Variants in CTNNA2 observed in about 807,000 individuals in gnomAD.
CTNNA2 encodes catenin alpha 2.
CTNNA2 carries 42 observed loss-of-function variants against 101.0 expected under a neutral mutation model. That is an observed-to-expected ratio of 0.42 (90% CI 0.32 to 0.54). CTNNA2 has a LOEUF of 0.54. Ranked by LOEUF, CTNNA2 falls within the 20% of genes least tolerant of loss-of-function variation. The probability of loss-of-function intolerance (pLI) is 0.14; values close to 1 mark genes in which losing one functional copy is unlikely to be tolerated. For missense variants in CTNNA2, 871 were observed against 1,223.1 expected (o/e 0.71, Z 4.29); for synonymous variants, 450 against 456.4 (o/e 0.99, Z 0.18).
chr2:80,410,120 A>G (rs1559085948), intron 8 of CTNNA2, among the ~76,000 whole-genome samples: 1 of 152,160 alleles, frequency 6.6e-6, no homozygotes, highest in Non-Finnish European at 1.5e-5. Flanking sequence ...ATGGTTGCAG[A>G]TTTTTAGACT....
intron 7 of CTNNA2, among the ~76,000 whole-genome samples, chr2:80,192,098 T>A (rs1278492596): frequency 6.6e-6 from 1 of 152,224 alleles, no homozygotes; most frequent in African/African-American, 2.4e-5. Context: ...GAGTTTGAGG[T>A]CTGCAGTGGT....
chr2:79,351,362 G>A (rs1677382851), intron 3 of CTNNA2, among the ~76,000 whole-genome samples: 1 of 152,106 alleles, frequency 6.6e-6, no homozygotes, highest in South Asian at 2.1e-4. Flanking sequence ...TCTCCTGCCT[G>A]TAGCTAGCCA....
chr2:80,065,494 C>T (rs568221927), intron 7 of CTNNA2, among the ~76,000 whole-genome samples: 1 of 152,020 alleles, frequency 6.6e-6, no homozygotes, highest in African/African-American at 2.4e-5. Flanking sequence ...GCTGGGATTA[C>T]AGGTGCGTGC....
rs1396625447 is a variant in CTNNA2, at chr2:80,578,479, C to T, written c.1894-3227C>T. On this transcript the variant is annotated intron_variant, in intron 13 of 18. Transcript: ENST00000402739. ...CCTTTAATTCATGGAGGTCTTTGACCAACTAAAAAATAGCACTCATAGTTT... is the reference window on the plus strand; with the variant it reads ...CCTTTAATTCATGGAGGTCTTTGACTAACTAAAAAATAGCACTCATAGTTT... Among the ~76,000 whole-genome samples, 3 of 152,092 alleles carry T rather than the reference C, an allele frequency of 2.0e-5. No individual in the cohort carries two copies. In the East Asian group the frequency reaches 5.8e-4, roughly 29 times the overall value.
At chr2:80,389,776 C>T (rs769980673) in intron 7 of CTNNA2, among the ~76,000 whole-genome samples, 1 of 152,136 alleles carries the variant, frequency 6.6e-6, no homozygotes, top group Non-Finnish European at 1.5e-5. Flanking sequence ...AAACCCTAGT[C>T]CTTGTTTTAA....
At chr2:79,550,011 A>G (rs1192106418) in intron 1 of CTNNA2, among the ~76,000 whole-genome samples, 1 of 152,162 alleles carries the variant, frequency 6.6e-6, no homozygotes, top group Non-Finnish European at 1.5e-5. Context: ...TGGACCCACT[A>G]TGAGCCAGAA....
In CTNNA2 at chr2:80,419,444, T is replaced by C. The variant is rs1263102094; in HGVS notation, c.1138-5T>C. 2.5e-6 allele frequency: 4 copies of C among 1,598,264 alleles called. No homozygotes were observed. Among genetic ancestry groups the C allele is most frequent in the Non-Finnish European group, 3.4e-6 (4 of 1,170,540 alleles). Reference sequence around the variant, plus strand: ...TGTCATTTTTTGTTTTTGTTTCAACTGTAGCTTCGGAAAGCAGTGATGGAT... The same window carrying C: ...TGTCATTTTTTGTTTTTGTTTCAACCGTAGCTTCGGAAAGCAGTGATGGAT... On this transcript the variant is annotated splice_region_variant and splice_polypyrimidine_tract_variant and intron_variant, in intron 8 of 18. Coordinates refer to ENST00000402739, the MANE Select transcript of CTNNA2 (RefSeq NM_001282597.3).
intron 7 of CTNNA2, among the ~76,000 whole-genome samples, chr2:79,997,049 C>T (rs1239750422): frequency 6.6e-6 from 1 of 152,010 alleles, no homozygotes; most frequent in Non-Finnish European, 1.5e-5. Flanking sequence ...AATTTTACCC[C>T]CTCTCTTCTT....
chr2:80,105,148 G>T (rs1293470710), intron 7 of CTNNA2, among the ~76,000 whole-genome samples: 1 of 152,182 alleles, frequency 6.6e-6, no homozygotes, highest in East Asian at 1.9e-4. Context: ...ACTATTCTCT[G>T]TGGAATTCTT....
intron 4 of CTNNA2, among the ~76,000 whole-genome samples, chr2:79,483,688 C>T (rs1671131427): frequency 6.6e-6 from 1 of 152,172 alleles, no homozygotes; most frequent in Admixed American, 6.5e-5. Flanking sequence ...GGTTATTTCA[C>T]TTAGAATAAT....
chr2:80,012,073 T>C (rs1260591382), intron 7 of CTNNA2, among the ~76,000 whole-genome samples: 1 of 152,142 alleles, frequency 6.6e-6, no homozygotes, highest in East Asian at 1.9e-4. Flanking sequence ...TAACCACTGC[T>C]CTGGATTCCA....
intron 7 of CTNNA2, among the ~76,000 whole-genome samples, chr2:80,145,886 A>C (rs1703299758): frequency 6.6e-6 from 1 of 152,206 alleles, no homozygotes; most frequent in Non-Finnish European, 1.5e-5. Context: ...ATAGATGTCT[A>C]AAGATGTCTC....
At chr2:80,068,359 T>A (rs1698113956) in intron 7 of CTNNA2, among the ~76,000 whole-genome samples, 1 of 152,226 alleles carries the variant, frequency 6.6e-6, no homozygotes, top group African/African-American at 2.4e-5. Context: ...ATGCTTCTCC[T>A]GTTTATCATC....
chr2:79,979,158 G>T (rs1023662489), intron 7 of CTNNA2, among the ~76,000 whole-genome samples: 2 of 152,092 alleles, frequency 1.3e-5, no homozygotes, highest in African/African-American at 4.8e-5. Context: ...GGCTAAGGTG[G>T]GAGGATCACA....
intron 2 of CTNNA2, among the ~76,000 whole-genome samples, chr2:79,235,488 G>A (rs144787643): frequency 2.6e-5 from 4 of 152,118 alleles, no homozygotes; most frequent in Non-Finnish European, 4.4e-5. Context: ...CCTTCTGACC[G>A]CTGACTCCAT....
rs1284805570 is a variant in CTNNA2, at chr2:79,437,820, A to T, written c.-135+63807A>T. Reference sequence around the variant, plus strand: ...TCACATGACCCCTAAGTGGTAATGAATCTAACGCGCTGCTCTTTGTTCCAG... The same window carrying T: ...TCACATGACCCCTAAGTGGTAATGATTCTAACGCGCTGCTCTTTGTTCCAG... On this transcript the variant is annotated intron_variant, in intron 4 of 21. Coordinates refer to the CTNNA2 transcript ENST00000466387. Among the ~76,000 whole-genome samples the T allele has an allele frequency of 2.6e-5, 4 of 152,282 alleles. No homozygotes were observed. In the East Asian group the frequency reaches 5.8e-4, roughly 22 times the overall value.
intron 1 of CTNNA2, among the ~76,000 whole-genome samples, chr2:79,581,015 C>A (rs1226085659): frequency 6.6e-6 from 1 of 152,170 alleles, no homozygotes; most frequent in African/African-American, 2.4e-5. Context: ...AGTTGGTTAC[C>A]TTCTTAATAG....
At chr2:80,447,481 T>A (rs1683167584) in intron 9 of CTNNA2, among the ~76,000 whole-genome samples, 1 of 152,208 alleles carries the variant, frequency 6.6e-6, no homozygotes, top group Non-Finnish European at 1.5e-5. Context: ...GGCCTGTGTG[T>A]GAGCAGCCAC....
chr2:80,285,715 A>G (rs2078551009), intron 7 of CTNNA2, among the ~76,000 whole-genome samples: 1 of 152,152 alleles, frequency 6.6e-6, no homozygotes, highest in Non-Finnish European at 1.5e-5. Context: ...TCATCAGATA[A>G]TCAAAGTCTG....
Sources: gnomAD v4.1 joint callset for allele counts (sites outside exome capture counted in the v4.1 genomes callset) on GRCh38, gnomAD v4.1.1 for gene constraint, MANE v1.5 for transcripts, NCBI Gene and HGNC (gene_info 2026-07-23, HGNC 2026-07-21) for gene names.